TAFA2: variants seen among roughly 807,000 people sequenced by gnomAD.
The protein encoded by TAFA2 is chemokine-like protein TAFA-2.
TAFA2 carries 7 observed loss-of-function variants against 18.8 expected under a neutral mutation model. The observed-to-expected ratio is 0.37, with a 90% CI of 0.21 to 0.70. TAFA2 has a LOEUF of 0.70. TAFA2 is among the 30% of genes least tolerant of loss of function. The probability of loss-of-function intolerance (pLI) is 0.53; values close to 1 mark genes in which losing one functional copy is unlikely to be tolerated. For missense variants in TAFA2, 122 were observed against 158.1 expected (o/e 0.77, Z 1.23); for synonymous variants, 60 against 54.2 (o/e 1.11, Z -0.47).
In TAFA2 at chr12:61,932,758, C is replaced by T. The variant is rs1877612506; in HGVS notation, c.-1-65332G>A. On this transcript the variant is annotated intron_variant, in intron 1 of 4. Coordinates refer to ENST00000416284, the MANE Select transcript of TAFA2 (RefSeq NM_178539.5). ...CCCAGCCCCATAACTCTTGTAATGG[C>T]CCAGGACAGGCCCGCAAAGTACTTC... is the stretch of plus-strand genomic sequence containing the variant. 2.0e-5 allele frequency among the ~76,000 whole-genome samples: 3 copies of T among 152,094 alleles called. No individual in the cohort carries two copies. The South Asian group carries it at 6.2e-4, about 32-fold the overall frequency.
chr12:61,846,630 A>T (rs1321456144), intron 2 of TAFA2, among the ~76,000 whole-genome samples: 1 of 152,108 alleles, frequency 6.6e-6, no homozygotes, highest in African/African-American at 2.4e-5. Context: ...GGTTAACTTG[A>T]TTATAACTAT....
intron 4 of TAFA2, among the ~76,000 whole-genome samples, chr12:61,723,353 T>C (rs1869993492): frequency 6.6e-6 from 1 of 152,038 alleles, no homozygotes; most frequent in African/African-American, 2.4e-5. Context: ...AAATGAAAGA[T>C]TGAAACAATG....
chr12:62,231,649 T>G (rs1047469556), intron 1 of TAFA2, among the ~76,000 whole-genome samples: 17 of 152,168 alleles, frequency 1.1e-4, no homozygotes, highest in African/African-American at 4.1e-4. Flanking sequence ...TTTCCAAATT[T>G]TATTAAGACT....
Position 62,237,102 on chromosome 12 carries a change from T to C in TAFA2, c.-130+21661A>G, listed in dbSNP as rs1035045791. ...GACTCTTATATTTTTCTCTTTTGAG[T>C]TTATTTTCTATATCTTGCAGGCATT... On this transcript the variant is annotated intron_variant, in intron 1 of 5. Transcript: ENST00000551619. Among the ~76,000 whole-genome samples, 2 of 152,236 alleles carry C rather than the reference T, an allele frequency of 1.3e-5. 1 individual carries two copies. The highest frequency in any genetic ancestry group is 4.1e-4 in the South Asian group (2 of 4,838).
At chr12:62,257,968 G>T (rs767677019) in intron 1 of TAFA2, among the ~76,000 whole-genome samples, 2 of 152,112 alleles carry the variant, frequency 1.3e-5, no homozygotes, top group Non-Finnish European at 2.9e-5. Flanking sequence ...TCACTAAAAC[G>T]TTGATTGCTG....
At chr12:62,248,317 C>T (rs1221268176) in intron 1 of TAFA2, among the ~76,000 whole-genome samples, 1 of 152,100 alleles carries the variant, frequency 6.6e-6, no homozygotes, top group East Asian at 1.9e-4. Flanking sequence ...TGTCTTTGAA[C>T]ATGACACATG....
At chr12:62,042,348 G>A (rs1881779236) in intron 1 of TAFA2, among the ~76,000 whole-genome samples, 1 of 151,960 alleles carries the variant, frequency 6.6e-6, no homozygotes, top group South Asian at 2.1e-4. Context: ...CAGTTCAGGT[G>A]CTTGCATCCC....
At position 62,221,216 on chromosome 12, in the gene TAFA2, G is replaced by GGAAGGAAGGAAGGAAGGAA. The variant is rs758941151; in HGVS notation, c.-130+37546_-130+37547insTTCCTTCCTTCCTTCCTTC. ...AAGGAAGGAGGGAAGGAAGGAAGGGGGGAAGGAAGGAAGGAAGGAAGGAAG... is the reference window on the plus strand; with the variant it reads ...AAGGAAGGAGGGAAGGAAGGAAGGGGGAAGGAAGGAAGGAAGGAAGGAAGGAAGGAAGGAAGGAAGGAAG... On this transcript the variant is annotated intron_variant, in intron 1 of 5. Transcript: ENST00000551619. 1.2e-3 allele frequency among the ~76,000 whole-genome samples: 96 copies of GGAAGGAAGGAAGGAAGGAA among 78,862 alleles called. 6 individuals carry two copies. The highest frequency in any genetic ancestry group is 3.1e-3 in the African/African-American group (66 of 21,140). The allele number at this position is 78,862 out of a possible 152,430, so 51.7% of individuals were successfully genotyped here. A position where few individuals can be genotyped will look rare whatever the true frequency, so the allele number is the denominator to read the frequency against.
chr12:62,068,951 T>C (rs1882559630), intron 1 of TAFA2, among the ~76,000 whole-genome samples: 1 of 152,156 alleles, frequency 6.6e-6, no homozygotes, highest in Non-Finnish European at 1.5e-5. Flanking sequence ...AACTATGAGG[T>C]CTGAATGTCA....
intron 1 of TAFA2, among the ~76,000 whole-genome samples, chr12:62,080,432 C>G (rs184676099): frequency 3.3e-5 from 5 of 152,124 alleles, no homozygotes; most frequent in African/African-American, 9.6e-5. Flanking sequence ...AAAATTCTGC[C>G]TACCACATTA....
At chr12:62,075,066 G>T (rs1882727650) in intron 1 of TAFA2, among the ~76,000 whole-genome samples, 1 of 152,112 alleles carries the variant, frequency 6.6e-6, no homozygotes, top group Non-Finnish European at 1.5e-5. Context: ...GGACATAAAT[G>T]TTATTACATT....
chr12:62,214,759 C>T (rs1359209254), intron 1 of TAFA2, among the ~76,000 whole-genome samples: 2 of 152,044 alleles, frequency 1.3e-5, no homozygotes, highest in African/African-American at 2.4e-5. Flanking sequence ...CCTGCTGACC[C>T]CTTGCTCTGA....
chr12:62,153,262 T>C (rs752327537), intron 1 of TAFA2, among the ~76,000 whole-genome samples: 13 of 152,168 alleles, frequency 8.5e-5, no homozygotes, highest in Non-Finnish European at 1.8e-4. Flanking sequence ...TATTATGTGA[T>C]ATAAGACATA....
At chr12:61,966,249 G>A (rs1037431217) in intron 1 of TAFA2, among the ~76,000 whole-genome samples, 1 of 151,894 alleles carries the variant, frequency 6.6e-6, no homozygotes, top group Non-Finnish European at 1.5e-5. Context: ...CAGTTCTGGA[G>A]GCTAAAAAGT....
intron 1 of TAFA2, among the ~76,000 whole-genome samples, chr12:61,985,778 C>A (rs1289372295): frequency 6.6e-6 from 1 of 152,184 alleles, no homozygotes; most frequent in Non-Finnish European, 1.5e-5. Context: ...ATTTTCAGCA[C>A]AACCAAATGA....
At chr12:61,854,913 T>A (rs371872449) in intron 2 of TAFA2, among the ~76,000 whole-genome samples, 7 of 152,106 alleles carry the variant, frequency 4.6e-5, no homozygotes, top group East Asian at 1.9e-4. Context: ...AAATGTATCA[T>A]CATATGTAAG....
chr12:61,945,038 C>T (rs1313577593), intron 1 of TAFA2, among the ~76,000 whole-genome samples: 2 of 150,064 alleles, frequency 1.3e-5, no homozygotes, highest in African/African-American at 2.5e-5. Flanking sequence ...TTGATGAACA[C>T]TGATGCAAAA....
At chr12:61,849,061 C>T (rs1873529048) in intron 2 of TAFA2, among the ~76,000 whole-genome samples, 1 of 152,126 alleles carries the variant, frequency 6.6e-6, no homozygotes, top group South Asian at 2.1e-4. Flanking sequence ...CCAGGCTGCT[C>T]ATGAACTCCT....
chr12:61,914,032 C>T (rs1269422445), intron 1 of TAFA2, among the ~76,000 whole-genome samples: 3 of 152,216 alleles, frequency 2.0e-5, no homozygotes, highest in South Asian at 2.1e-4. Context: ...ATTGCCATAC[C>T]GACACCACCC....
Sources: gnomAD v4.1 joint callset for allele counts (sites outside exome capture counted in the v4.1 genomes callset) on GRCh38, gnomAD v4.1.1 for gene constraint, MANE v1.5 for transcripts, NCBI Gene and HGNC (gene_info 2026-07-23, HGNC 2026-07-21) for gene names.